WNK1: variants seen among roughly 807,000 people sequenced by gnomAD.
The protein encoded by WNK1 is WNK lysine deficient protein kinase 1, also known as serine/threonine-protein kinase WNK1.
Under a neutral mutation model 222.8 loss-of-function variants are expected in WNK1, and 38 were observed. The ratio of observed to expected loss-of-function variants is 0.17; its 90% CI spans 0.13 to 0.22. WNK1 has a LOEUF of 0.22. WNK1 is among the 10% of genes least tolerant of loss of function. The probability of loss-of-function intolerance (pLI) is 1.00; values close to 1 mark genes in which losing one functional copy is unlikely to be tolerated. For synonymous variants in WNK1, 1,090 were observed against 1,092.9 expected (o/e 1.00, Z 0.05); for missense variants, 2,348 against 2,918.4 (o/e 0.80, Z 4.50).
intron 22 of WNK1, among the ~76,000 whole-genome samples, chr12:892,149 A>G (rs990542210): frequency 1.3e-5 from 2 of 151,190 alleles, no homozygotes; most frequent in Non-Finnish European, 2.9e-5. Flanking sequence ...ATATGTATAC[A>G]TGTGCCATGT....
At chr12:764,634 CA>C (rs529312629) in intron 1 of WNK1, among the ~76,000 whole-genome samples, 229 of 50,156 alleles carry the variant, frequency 4.6e-3, no homozygotes, top group African/African-American at 0.016. Flanking sequence ...AACTCCGTCT[CA>C]AAAAAAAAAA....
chr12:828,563 C>T (rs1948554117), intron 3 of WNK1, among the ~76,000 whole-genome samples: 1 of 152,074 alleles, frequency 6.6e-6, no homozygotes, highest in Non-Finnish European at 1.5e-5. Flanking sequence ...ATACCAGTAG[C>T]ACGCTCCCTC....
In WNK1 at chr12:896,706, GT is replaced by G; in HGVS notation, c.6221del (p.Leu2074Ter). 1 of 1,608,730 alleles carries G rather than the reference GT, an allele frequency of 6.2e-7. No individual in the cohort carries two copies. On this transcript the variant is annotated frameshift_variant, in exon 24 of 28. Coordinates refer to ENST00000315939, the MANE Select transcript of WNK1 (RefSeq NM_018979.4). LOFTEE classifies it high-confidence loss of function. ...ESDIEDEDLK[L>X]ELRRLRDKHL... ...CAGATATCGAAGATGAAGACTTAAAGTTAGAGCTGCGACGACTACGAGATAA... is the reference window on the plus strand; with the variant it reads ...CAGATATCGAAGATGAAGACTTAAAGTAGAGCTGCGACGACTACGAGATAA...
In WNK1 at chr12:889,139, G is replaced by A. The variant is rs1326693189; in HGVS notation, c.5365-1G>A. 3.7e-6 allele frequency: 6 copies of A among 1,613,782 alleles called. No individual in the cohort carries two copies. The Admixed American group carries it at 1.0e-4, about 27-fold the overall frequency. On this transcript the variant is annotated splice_acceptor_variant, in intron 20 of 27. Transcript: ENST00000315939. LOFTEE classifies it high-confidence loss of function. The stretch of plus-strand genomic sequence containing the variant: ...TATTTACTGTGATTGTTTTCATTCA[G>A]TCCCAGCAACCTCTAGAGGATCTTG...
At chr12:873,155 G>A (rs10849573) in intron 9 of WNK1, among the ~76,000 whole-genome samples, 19,961 of 152,162 alleles carry the variant, frequency 0.13, 1,561 homozygotes, top group Middle Eastern at 0.22. Flanking sequence ...GGATGTAGAC[G>A]AACACCAATG....
chr12:885,078 C>G lies in WNK1; in HGVS notation c.4274C>G (p.Ser1425Cys), dbSNP rs1320612286. The G allele has an allele frequency of 6.2e-7, 1 of 1,614,120 alleles. No homozygotes were observed. The highest frequency in any genetic ancestry group is 1.3e-5 in the African/African-American group (1 of 74,936). Residue 1425 changes from serine (S) to cysteine (C), a missense_variant, in exon 19 of 28, where the codon TCT (serine) becomes TGT (cysteine). By Grantham distance (112) the Ser-to-Cys change is moderately radical (BLOSUM62 -1). Around this residue, in one of 13 missense-constraint regions of WNK1, gnomAD observed 1,144 missense variants for 1,273.6 expected, o/e 0.90. Coordinates refer to ENST00000315939, the MANE Select transcript of WNK1 (RefSeq NM_018979.4). The part of the protein sequence containing the change: ...SITIPAVVSI[S>C]TTSPSLQVPT... ...ACAATACCTGCAGTTGTCTCAATAT[C>G]TACTACATCCCCGTCACTTCAAGTC...
At chr12:824,216 CTT>C (rs1207566592) in intron 2 of WNK1, among the ~76,000 whole-genome samples, 20 of 126,084 alleles carry the variant, frequency 1.6e-4, no homozygotes, top group Admixed American at 2.4e-4. Context: ...GCAGAGACAT[CTT>C]TTTTTTTTTT....
At chr12:865,425 C>T in intron 8 of WNK1, 1 of 1,481,438 alleles carries the variant, frequency 6.8e-7, no homozygotes, top group Non-Finnish European at 9.0e-7. Context: ...ATCCAGGCAA[C>T]AAGAATTTTA....
chr12:873,598 A>G (rs186395225), intron 9 of WNK1, among the ~76,000 whole-genome samples: 8 of 152,352 alleles, frequency 5.3e-5, no homozygotes, highest in African/African-American at 1.9e-4. Flanking sequence ...CAAGATTCCT[A>G]GAATAGTATT....
At chr12:872,281 A>G (rs533567020) in intron 9 of WNK1, among the ~76,000 whole-genome samples, 2 of 152,196 alleles carry the variant, frequency 1.3e-5, no homozygotes, top group South Asian at 4.1e-4. Flanking sequence ...GCGTGCCACT[A>G]TGCCCAGCTA....
intron 2 of WNK1, 142 bp downstream of exon 2, chr12:813,956 C>A: frequency 1.1e-6 from 1 of 869,948 alleles, no homozygotes; most frequent in Non-Finnish European, 1.8e-6. Flanking sequence ...TAGCATATTT[C>A]CTTGCCCACA....
chr12:754,010 G>A lies in WNK1; in HGVS notation c.445G>A (p.Ala149Thr). 6.3e-7 allele frequency: 1 copy of A among 1,586,574 alleles called. No homozygotes were observed. The highest frequency in any genetic ancestry group is 8.6e-7 in the Non-Finnish European group (1 of 1,166,912). The change falls in exon 1 of 28, where the codon GCG (alanine) becomes ACG (threonine). Residue 149 changes from alanine to threonine, a missense_variant. Transcript: ENST00000315939. ...AAAAPGEQAVAGPAPSTVPSS... is the reference protein window; with the variant it reads ...AAAAPGEQAVTGPAPSTVPSS... Reference sequence around the variant, plus strand: ...TGCCGCCCCTGGGGAACAGGCCGTCGCGGGCCCTGCCCCCTCGACTGTCCC... The same window carrying A: ...TGCCGCCCCTGGGGAACAGGCCGTCACGGGCCCTGCCCCCTCGACTGTCCC...
In WNK1 at chr12:812,626, C is replaced by T. The variant is rs61464009; in HGVS notation, c.760-1016C>T. ...TACATTCCTTATTGGGTACTTTTGG[C>T]GACAGAGTGAGAACCTTAAAGTTCA... is the stretch of plus-strand genomic sequence containing the variant. On this transcript the variant is annotated intron_variant, in intron 1 of 27. Coordinates refer to ENST00000315939, the MANE Select transcript of WNK1 (RefSeq NM_018979.4). Among the ~76,000 whole-genome samples the T allele has an allele frequency of 7.6e-3, 1,149 of 151,938 alleles. 13 individuals are homozygous for T. Among genetic ancestry groups the T allele is most frequent in the African/African-American group, 0.024 (1,010 of 41,378 alleles).
At chr12:798,192 CT>C (rs112573663) in intron 1 of WNK1, among the ~76,000 whole-genome samples, 63 of 143,248 alleles carry the variant, frequency 4.4e-4, no homozygotes, top group South Asian at 8.9e-4. Flanking sequence ...ATTGCATTTT[CT>C]TTTTTTTTTT....
intron 1 of WNK1, among the ~76,000 whole-genome samples, chr12:766,834 TG>T (rs551873669): frequency 5.0e-4 from 76 of 152,084 alleles, no homozygotes; most frequent in African/African-American, 1.8e-3. Flanking sequence ...TGGAGTGCAG[TG>T]GCATGATCTC....
intron 4 of WNK1, among the ~76,000 whole-genome samples, chr12:837,508 A>G (rs1022663852): frequency 6.8e-6 from 1 of 148,070 alleles, no homozygotes; most frequent in Non-Finnish European, 1.5e-5. Context: ...CGGGAGGCAG[A>G]GGTTGCAGTG....
intron 22 of WNK1, among the ~76,000 whole-genome samples, chr12:890,828 G>A (rs2154090350): frequency 6.6e-6 from 1 of 152,310 alleles, no homozygotes; most frequent in Middle Eastern, 3.4e-3. Context: ...TAGCTTTTGT[G>A]ACACTGGATA....
chr12:848,096 C>A (rs563465034), intron 4 of WNK1, among the ~76,000 whole-genome samples: 2 of 152,038 alleles, frequency 1.3e-5, no homozygotes, highest in African/African-American at 4.8e-5. Flanking sequence ...TGAGCCACCG[C>A]GCCTGGCTGG....
intron 22 of WNK1, among the ~76,000 whole-genome samples, chr12:891,581 A>T (rs925631988): frequency 2.6e-5 from 4 of 151,694 alleles, no homozygotes; most frequent in Admixed American, 1.3e-4. Context: ...TACTATATGA[A>T]ATCATAAGGG....
Sources: gnomAD v4.1 joint callset for allele counts (sites outside exome capture counted in the v4.1 genomes callset) on GRCh38, gnomAD v4.1.1 for gene constraint, gnomAD v4.1.1 regional missense constraint, MANE v1.5 for transcripts, NCBI Gene and HGNC (gene_info 2026-07-23, HGNC 2026-07-21) for gene names.